The following HAPLN1 variants were observed in gnomAD, a reference collection of about 807,000 sequenced individuals.
HAPLN1 encodes hyaluronan and proteoglycan link protein 1, also known as Cartilage link protein.
Under a neutral mutation model 36.5 loss-of-function variants are expected in HAPLN1, and 13 were observed. The ratio of observed to expected loss-of-function variants is 0.36; its 90% CI spans 0.23 to 0.57. The LOEUF (loss-of-function observed/expected upper bound fraction) is 0.57. Ranked by LOEUF, HAPLN1 falls within the 20% of genes least tolerant of loss-of-function variation. HAPLN1 has a pLI of 0.83. For missense variants in HAPLN1, 407 were observed against 439.7 expected (o/e 0.93, Z 0.66); for synonymous variants, 202 against 169.8 (o/e 1.19, Z -1.48).
chr5:83,656,522 G>A (rs554235884), intron 2 of HAPLN1, among the ~76,000 whole-genome samples: 1 of 151,892 alleles, frequency 6.6e-6, no homozygotes, highest in East Asian at 1.9e-4. Context: ...AGTGTGAAAA[G>A]GTGCACATAA....
intron 1 of HAPLN1, among the ~76,000 whole-genome samples, chr5:83,713,248 T>C (rs112337986): frequency 6.6e-6 from 1 of 152,142 alleles, no homozygotes; most frequent in African/African-American, 2.4e-5. Context: ...AATCTGTCAT[T>C]AGAGCTTCAA....
chr5:83,664,167 A>T (rs1369002914), intron 2 of HAPLN1, among the ~76,000 whole-genome samples: 1 of 152,020 alleles, frequency 6.6e-6, no homozygotes, highest in Non-Finnish European at 1.5e-5. Flanking sequence ...GAAAGCATCA[A>T]GCCTATTCTA....
chr5:83,692,479 A>G (rs72772926), intron 1 of HAPLN1, among the ~76,000 whole-genome samples: 4,682 of 152,056 alleles, frequency 0.031, 283 homozygotes, highest in East Asian at 0.3. Flanking sequence ...GTGGAATGAG[A>G]TCTTTAAAGT....
intron 1 of HAPLN1, among the ~76,000 whole-genome samples, chr5:83,685,058 G>T (rs1274023845): frequency 6.6e-6 from 1 of 152,276 alleles, no homozygotes; most frequent in Non-Finnish European, 1.5e-5. Flanking sequence ...CATAGCTATT[G>T]TTATAAATTC....
At chr5:83,673,776 T>C in intron 1 of HAPLN1, 1 of 379,838 alleles carries the variant, frequency 2.6e-6, no homozygotes, top group South Asian at 4.2e-5. Flanking sequence ...TAACTCTATC[T>C]TTGCAGAATT....
chr5:83,652,330 G>T, intron 3 of HAPLN1, 123 bp downstream of exon 3: 1 of 911,036 alleles, frequency 1.1e-6, no homozygotes, highest in Non-Finnish European at 1.7e-6. Flanking sequence ...AGAATAAGAT[G>T]CCAGGCAAGG....
At chr5:83,680,130 C>G (rs753865597) in intron 1 of HAPLN1, among the ~76,000 whole-genome samples, 1 of 152,132 alleles carries the variant, frequency 6.6e-6, no homozygotes, top group Non-Finnish European at 1.5e-5. Flanking sequence ...TTCACCTAAT[C>G]GAAGTGCATT....
intron 1 of HAPLN1, among the ~76,000 whole-genome samples, chr5:83,692,562 A>G (rs776381967): frequency 1.4e-4 from 22 of 151,896 alleles, no homozygotes; most frequent in Non-Finnish European, 2.8e-4. Flanking sequence ...GCAAATAAAG[A>G]CTTTGTTAGA....
intron 1 of HAPLN1, among the ~76,000 whole-genome samples, chr5:83,701,927 A>ACACAC (rs1751516866): frequency 2.1e-5 from 3 of 143,848 alleles, no homozygotes; most frequent in Non-Finnish European, 3.1e-5. Flanking sequence ...CTTCGACAAA[A>ACACAC]ACACACACAC....
intron 2 of HAPLN1, among the ~76,000 whole-genome samples, chr5:83,666,119 T>C (rs1430867297): frequency 6.6e-6 from 1 of 152,214 alleles, no homozygotes; most frequent in Admixed American, 6.5e-5. Context: ...AACCTCTTGA[T>C]TGAATATTTT....
intron 1 of HAPLN1, among the ~76,000 whole-genome samples, chr5:83,675,560 T>C (rs550853529): frequency 1.9e-4 from 29 of 152,310 alleles, no homozygotes; most frequent in African/African-American, 7.0e-4. Context: ...TCATTCGTCT[T>C]AAAAATATAT....
At chr5:83,670,823 T>C (rs1204535096) in intron 2 of HAPLN1, among the ~76,000 whole-genome samples, 2 of 151,926 alleles carry the variant, frequency 1.3e-5, no homozygotes, top group Non-Finnish European at 2.9e-5. Flanking sequence ...GCCTCCTGAG[T>C]AGCTGGGATT....
At chr5:83,656,992 T>C (rs1750235153) in intron 2 of HAPLN1, among the ~76,000 whole-genome samples, 1 of 152,164 alleles carries the variant, frequency 6.6e-6, no homozygotes, top group African/African-American at 2.4e-5. Flanking sequence ...CTTAGTCCTA[T>C]TAAAAGCATA....
At chr5:83,676,728 C>T (rs1422534705) in intron 1 of HAPLN1, among the ~76,000 whole-genome samples, 1 of 152,126 alleles carries the variant, frequency 6.6e-6, no homozygotes, top group African/African-American at 2.4e-5. Context: ...AAAATTTAGA[C>T]AATCGGGGAG....
intron 1 of HAPLN1, among the ~76,000 whole-genome samples, chr5:83,678,916 A>G (rs1317461271): frequency 3.3e-5 from 5 of 152,188 alleles, no homozygotes; most frequent in Non-Finnish European, 5.9e-5. Context: ...TGGCTTCTCT[A>G]AGAACAATAT....
intron 1 of HAPLN1, among the ~76,000 whole-genome samples, chr5:83,692,261 A>C (rs1751294871): frequency 6.6e-6 from 1 of 151,988 alleles, no homozygotes; most frequent in Admixed American, 6.6e-5. Flanking sequence ...TAAAAATTAC[A>C]AACTTACAGA....
rs1749591787 is a variant in HAPLN1, at chr5:83,638,679, T to G, written c.*2817A>C. On this transcript the variant is annotated 3_prime_UTR_variant, in exon 5 of 5. Coordinates refer to ENST00000274341, the MANE Select transcript of HAPLN1 (RefSeq NM_001884.4). Reference sequence around the variant, plus strand: ...AAAGTGACTATATTGTTGCATAAAATAACACTTTGACAGGTACCAGCCCCC... The same window carrying G: ...AAAGTGACTATATTGTTGCATAAAAGAACACTTTGACAGGTACCAGCCCCC... 1 of 152,004 alleles carries G rather than the reference T, an allele frequency of 6.6e-6. No homozygotes were observed. The highest frequency in any genetic ancestry group is 2.1e-4 in the South Asian group (1 of 4,824). The allele number at this position is 152,004 out of a possible 1,614,324, so 9.4% of individuals were successfully genotyped here. A position where few individuals can be genotyped will look rare whatever the true frequency, so the allele number is the denominator to read the frequency against.
At chr5:83,706,774 A>G (rs1751663105) in intron 1 of HAPLN1, among the ~76,000 whole-genome samples, 1 of 152,210 alleles carries the variant, frequency 6.6e-6, no homozygotes, top group Non-Finnish European at 1.5e-5. Context: ...CCAAATAGGA[A>G]GAGAGGAAGT....
chr5:83,685,213 T>C (rs1347719683), intron 1 of HAPLN1, among the ~76,000 whole-genome samples: 1 of 152,238 alleles, frequency 6.6e-6, no homozygotes, highest in East Asian at 1.9e-4. Flanking sequence ...ATTGTCTGCA[T>C]GTGTAACTAC....
Sources: gnomAD v4.1 joint callset for allele counts (sites outside exome capture counted in the v4.1 genomes callset) on GRCh38, gnomAD v4.1.1 for gene constraint, MANE v1.5 for transcripts, NCBI Gene and HGNC (gene_info 2026-07-23, HGNC 2026-07-21) for gene names.